The following BCKDHB variants were observed in gnomAD, a reference collection of about 807,000 sequenced individuals.
BCKDHB encodes 2-oxoisovalerate dehydrogenase subunit beta, mitochondrial.
BCKDHB carries 41 observed loss-of-function variants against 48.5 expected under a neutral mutation model. The ratio of observed to expected loss-of-function variants is 0.85; its 90% confidence interval spans 0.66 to 1.10. The LOEUF (loss-of-function observed/expected upper bound fraction) is 1.10, where lower values mean the gene tolerates loss of function less well. BCKDHB is among the 50% of genes least tolerant of loss of function. BCKDHB has a pLI of 0.00. For synonymous variants in BCKDHB, 201 were observed against 174.8 expected, an observed-to-expected ratio of 1.15 and a Z score of -1.18; for missense variants, 496 against 494.2, an observed-to-expected ratio of 1.00 and a Z score of -0.03.
chr6:80,288,060 A>G (rs910356430), intron 9 of BCKDHB, among the ~76,000 whole-genome samples: 1 of 152,094 alleles, frequency 6.6e-6, no homozygotes, highest in Non-Finnish European at 1.5e-5. Flanking sequence ...CAGTAGTTCG[A>G]TAATATCAAT....
Position 80,226,006 on chromosome 6 carries a change from C to G in BCKDHB, c.951+22794C>G, listed in dbSNP as rs578200609. On this transcript the variant is annotated intron_variant, in intron 8 of 9. Coordinates refer to ENST00000320393, the MANE Select transcript of BCKDHB (RefSeq NM_183050.4). Reference sequence around the variant, plus strand: ...TTTTGTAAATGGAATATTGTTTACTCTTAATCCTAAAGTTTACTCTTAATC... The same window carrying G: ...TTTTGTAAATGGAATATTGTTTACTGTTAATCCTAAAGTTTACTCTTAATC... Among the ~76,000 whole-genome samples, 385 of 152,280 alleles carry G rather than the reference C, an allele frequency of 2.5e-3. 2 individuals carry two copies. The highest frequency in any genetic ancestry group is 7.1e-3 in the Admixed American group (108 of 15,300).
At chr6:80,270,950 G>C (rs568044936) in intron 8 of BCKDHB, among the ~76,000 whole-genome samples, 1 of 152,050 alleles carries the variant, frequency 6.6e-6, no homozygotes, top group Non-Finnish European at 1.5e-5. Flanking sequence ...TAATTCAAGG[G>C]CTTTCCCTTT....
At chr6:80,423,916 A>T in the BCKDHB span, among the ~76,000 whole-genome samples, 1 of 152,192 alleles carries the variant, frequency 6.6e-6, no homozygotes, top group South Asian at 2.1e-4. Flanking sequence ...TGGGCAAAGT[A>T]TACTCTGGTT....
At chr6:80,264,412 T>G (rs1777429602) in intron 8 of BCKDHB, among the ~76,000 whole-genome samples, 1 of 152,188 alleles carries the variant, frequency 6.6e-6, no homozygotes, top group African/African-American at 2.4e-5. Context: ...TTATTTGGCA[T>G]TATTTATCTC....
downstream of BCKDHB, among the ~76,000 whole-genome samples, chr6:80,350,205 G>A (rs1035853744): frequency 3.9e-5 from 6 of 152,210 alleles, no homozygotes; most frequent in Admixed American, 1.3e-4. Context: ...TGAGATCACT[G>A]ATGTGCTTCA....
intron 3 of BCKDHB, among the ~76,000 whole-genome samples, chr6:80,138,855 C>A (rs1771033090): frequency 6.6e-6 from 1 of 152,146 alleles, no homozygotes; most frequent in African/African-American, 2.4e-5. Flanking sequence ...ATTTCTAGTT[C>A]TAGATCCCTG....
At chr6:80,303,489 GC>G (rs1767690686) in intron 9 of BCKDHB, among the ~76,000 whole-genome samples, 1 of 151,956 alleles carries the variant, frequency 6.6e-6, no homozygotes, top group Admixed American at 6.6e-5. Context: ...CTGGGAACAT[GC>G]CCACACCAAC....
chr6:80,357,569 G>C, the BCKDHB span, among the ~76,000 whole-genome samples: 9 of 152,176 alleles, frequency 5.9e-5, no homozygotes, highest in Non-Finnish European at 1.2e-4. Context: ...ACAGCACCCA[G>C]CTTCTCCATA....
the BCKDHB span, chr6:80,374,572 TCA>T: frequency 7.5e-6 from 5 of 668,742 alleles, no homozygotes; most frequent in Admixed American, 4.0e-5. Flanking sequence ...GGCACCATTT[TCA>T]CAGATTACCT....
chr6:80,296,536 A>G (rs180989288), intron 9 of BCKDHB, among the ~76,000 whole-genome samples: 1 of 152,324 alleles, frequency 6.6e-6, no homozygotes, highest in African/African-American at 2.4e-5. Flanking sequence ...TTACCTTTAC[A>G]TTAGTGTGCT....
At chr6:80,127,734 T>TGTAGATATGA in intron 2 of BCKDHB, 110 bp downstream of exon 2, 1 of 1,006,954 alleles carries the variant, frequency 9.9e-7, no homozygotes, top group Non-Finnish European at 1.6e-6. Context: ...CTACCTGACA[T>TGTAGATATGA]TTTCAAAGGT....
chr6:80,152,326 AAGAT>A (rs1250837919), intron 3 of BCKDHB, among the ~76,000 whole-genome samples: 1 of 152,186 alleles, frequency 6.6e-6, no homozygotes, highest in Non-Finnish European at 1.5e-5. Flanking sequence ...ATTTTAATAA[AAGAT>A]AGAAGACTGA....
intron 6 of BCKDHB, among the ~76,000 whole-genome samples, chr6:80,190,936 T>G (rs1326599509): frequency 6.6e-6 from 1 of 152,122 alleles, no homozygotes; most frequent in Non-Finnish European, 1.5e-5. Context: ...TGTTCCACAG[T>G]GTAGATGGCA....
At chr6:80,351,645 C>CTTTT in the BCKDHB span, among the ~76,000 whole-genome samples, 2 of 122,060 alleles carry the variant, frequency 1.6e-5, no homozygotes, top group Non-Finnish European at 1.6e-5. Flanking sequence ...TTTTTTTTTT[C>CTTTT]TTTTTTTTTT....
the BCKDHB span, among the ~76,000 whole-genome samples, chr6:80,354,403 T>C: frequency 6.6e-6 from 1 of 152,118 alleles, no homozygotes; most frequent in African/African-American, 2.4e-5. Flanking sequence ...AATTTTTTTG[T>C]ATTTTAGTAG....
chr6:80,317,163 C>A (rs916595552), intron 9 of BCKDHB, among the ~76,000 whole-genome samples: 1 of 152,168 alleles, frequency 6.6e-6, no homozygotes, highest in African/African-American at 2.4e-5. Context: ...CCTTAAGGGG[C>A]AGACTTGACT....
rs1179045298 is a variant in BCKDHB, at chr6:80,169,886, GA to G, written c.633+859del. 4.5e-5 allele frequency: 72 copies of G among 1,590,848 alleles called. No homozygotes were observed. In the African/African-American group the frequency reaches 7.4e-4, roughly 16 times the overall value. On this transcript the variant is annotated intron_variant, in intron 5 of 9. Coordinates refer to ENST00000320393, the MANE Select transcript of BCKDHB (RefSeq NM_183050.4). ...ATGTGAGCTAGAAGTTGTAGACTGG[GA>G]AAGAAGCCATGTGCGAGGCAAGTTA...
At position 80,146,021 on chromosome 6, in the gene BCKDHB, A is replaced by G. The variant is rs766782785; in HGVS notation, c.343+16792A>G. Among the ~76,000 whole-genome samples, 170 of 152,158 alleles carry G rather than the reference A, an allele frequency of 1.1e-3. 3 individuals carry two copies. Among genetic ancestry groups the G allele is most frequent in the Non-Finnish European group, 5.0e-4 (34 of 68,026 alleles). ...TAAATATTTGAAATGGGTTTCAGAC[A>G]GCTACAACACTGTTTGCTTCACAGC... On this transcript the variant is annotated intron_variant, in intron 3 of 9. Transcript: ENST00000320393.
At chr6:80,251,116 A>G (rs2127935121) in intron 8 of BCKDHB, among the ~76,000 whole-genome samples, 1 of 152,262 alleles carries the variant, frequency 6.6e-6, no homozygotes, top group Non-Finnish European at 1.5e-5. Context: ...TTTATTCACA[A>G]CTGTTGAAGT....
Sources: gnomAD v4.1 joint callset for allele counts (sites outside exome capture counted in the v4.1 genomes callset) on GRCh38, gnomAD v4.1.1 for gene constraint, MANE v1.5 for transcripts, NCBI Gene and HGNC (gene_info 2026-07-23, HGNC 2026-07-21) for gene names.